The following SLC38A12 variants were observed in gnomAD, a reference collection of about 807,000 sequenced individuals.
The protein encoded by SLC38A12 is solute carrier family 38 member 12.
chr17:74,788,856 A>T, the SLC38A12 span: 2 of 1,613,384 alleles, frequency 1.2e-6, no homozygotes, highest in South Asian at 2.2e-5. Context: ...CTGGAAGAGG[A>T]TGGAGAACCT....
the SLC38A12 span, chr17:74,788,758 G>A: frequency 1.1e-4 from 177 of 1,603,130 alleles, 1 homozygote; most frequent in African/African-American, 1.9e-3. Context: ...CAACCTGTCC[G>A]CCTTTGGCGC....
At chr17:74,835,075 G>A in the SLC38A12 span, among the ~76,000 whole-genome samples, 1 of 152,208 alleles carries the variant, frequency 6.6e-6, no homozygotes, top group Admixed American at 6.5e-5. Context: ...GTAAAGGGCT[G>A]CGAACTGAAG....
At chr17:74,795,686 G>C in the SLC38A12 span, 1 of 1,403,276 alleles carries the variant, frequency 7.1e-7, no homozygotes, top group East Asian at 2.3e-5. Flanking sequence ...CACAGCTGAG[G>C]GCATTTGAAG....
chr17:74,825,244 C>T, the SLC38A12 span, among the ~76,000 whole-genome samples: 1 of 152,252 alleles, frequency 6.6e-6, no homozygotes, highest in African/African-American at 2.4e-5. Context: ...CCTGCCCACC[C>T]TCCAACTGGG....
the SLC38A12 span, among the ~76,000 whole-genome samples, chr17:74,809,393 C>A: frequency 1.3e-5 from 2 of 152,262 alleles, no homozygotes; most frequent in South Asian, 4.2e-4. Context: ...CTCAGAGCAG[C>A]CTCCCCCAGG....
At chr17:74,836,172 A>T in the SLC38A12 span, 2 of 1,612,922 alleles carry the variant, frequency 1.2e-6, no homozygotes, top group East Asian at 4.5e-5. The surrounding 1 kb of genome is among the most constrained non-coding windows in gnomAD (Gnocchi z 4.2). Flanking sequence ...CTTCACCGCC[A>T]TCTTCTGCTT....
chr17:74,808,032 TC>T, the SLC38A12 span, among the ~76,000 whole-genome samples: 8 of 152,252 alleles, frequency 5.3e-5, no homozygotes, highest in Non-Finnish European at 5.9e-5. Context: ...ATATTTATCT[TC>T]CCCTTCCCCC....
the SLC38A12 span, chr17:74,795,420 T>C: frequency 1.0e-6 from 1 of 994,724 alleles, no homozygotes; most frequent in East Asian, 2.6e-5. Flanking sequence ...GTGAAAAGTC[T>C]GATTGTTGGC....
chr17:74,780,800 G>A, the SLC38A12 span, among the ~76,000 whole-genome samples: 2 of 152,118 alleles, frequency 1.3e-5, no homozygotes, highest in Non-Finnish European at 2.9e-5. Flanking sequence ...GCTTGCTTTG[G>A]AACTGAAAAA....
the SLC38A12 span, among the ~76,000 whole-genome samples, chr17:74,828,464 T>C: frequency 1.3e-5 from 2 of 152,140 alleles, no homozygotes; most frequent in African/African-American, 2.4e-5. Context: ...AGTGGATGCA[T>C]GTCCTCATAC....
chr17:74,780,603 C>G, the SLC38A12 span, among the ~76,000 whole-genome samples: 58 of 152,278 alleles, frequency 3.8e-4, no homozygotes, highest in African/African-American at 1.2e-3. Flanking sequence ...CCCTCCTGAC[C>G]CAACCTGTGG....
At chr17:74,836,223 G>T in the SLC38A12 span, 3 of 1,611,364 alleles carry the variant, frequency 1.9e-6, no homozygotes, top group Non-Finnish European at 1.7e-6. This position sits in a 1 kb window ranked among gnomAD's most constrained non-coding sequence, Gnocchi z 4.2. Flanking sequence ...CCTCAACTTC[G>T]CGCGCTGTGA....
chr17:74,789,845 C>CAA, the SLC38A12 span, among the ~76,000 whole-genome samples: 35 of 47,138 alleles, frequency 7.4e-4, no homozygotes, highest in Admixed American at 1.2e-3. Flanking sequence ...AACTTCGTCT[C>CAA]AAAAAAAAAA....
At chr17:74,838,307 C>T in the SLC38A12 span, 8 of 985,908 alleles carry the variant, frequency 8.1e-6, no homozygotes, top group Non-Finnish European at 9.6e-6. Flanking sequence ...CAGGAGGCCT[C>T]TCAGGTTGGG....
At chr17:74,806,145 G>T in the SLC38A12 span, among the ~76,000 whole-genome samples, 2 of 152,116 alleles carry the variant, frequency 1.3e-5, no homozygotes, top group East Asian at 3.9e-4. Context: ...GGCTCAGAGG[G>T]TCCCCCATCC....
the SLC38A12 span, among the ~76,000 whole-genome samples, chr17:74,834,601 C>T: frequency 6.6e-6 from 1 of 152,302 alleles, no homozygotes; most frequent in Admixed American, 6.5e-5. Context: ...CCAAAGGGGA[C>T]CATAGGATAC....
the SLC38A12 span, among the ~76,000 whole-genome samples, chr17:74,796,275 A>G: frequency 1.1e-4 from 16 of 152,246 alleles, no homozygotes; most frequent in African/African-American, 3.9e-4. Context: ...GGCGGGACTC[A>G]GAAATGTTTT....
the SLC38A12 span, chr17:74,795,650 T>C: frequency 1.2e-6 from 2 of 1,600,108 alleles, no homozygotes; most frequent in South Asian, 1.1e-5. Flanking sequence ...TCTGTGCCTC[T>C]GTGCCGCCTG....
chr17:74,803,606 C>A, the SLC38A12 span, among the ~76,000 whole-genome samples: 5 of 152,332 alleles, frequency 3.3e-5, no homozygotes, highest in African/African-American at 1.2e-4. Flanking sequence ...CCTAAGCCCT[C>A]CTTGTTTGTG....
Sources: gnomAD v4.1 joint callset for allele counts (sites outside exome capture counted in the v4.1 genomes callset) on GRCh38, gnomAD v4.1.1 for gene constraint, Gnocchi (gnomAD v3.1) non-coding constraint, MANE v1.5 for transcripts, NCBI Gene and HGNC (gene_info 2026-07-23, HGNC 2026-07-21) for gene names.